AFDN: variants seen among roughly 807,000 people sequenced by gnomAD.
AFDN encodes the protein afadin.
Under a neutral mutation model 216.6 loss-of-function variants are expected in AFDN, and 68 were observed. The ratio of observed to expected loss-of-function variants is 0.31; its 90% CI spans 0.26 to 0.38. AFDN has a LOEUF of 0.38. AFDN is among the 10% of genes least tolerant of loss of function. AFDN has a pLI of 1.00. For missense variants in AFDN, 2,136 were observed against 2,342.0 expected, an observed-to-expected ratio of 0.91 and a Z score of 1.82; for synonymous variants, 868 against 853.7, an observed-to-expected ratio of 1.02 and a Z score of -0.29.
At chr6:167,966,419 T>A in intron 32 of AFDN, 1 of 614,882 alleles carries the variant, frequency 1.6e-6, no homozygotes, top group Non-Finnish European at 2.4e-6. Flanking sequence ...CTCGGCATGG[T>A]GATCCTCCTC....
chr6:167,875,782 C>T (rs536367286), intron 5 of AFDN, among the ~76,000 whole-genome samples: 7 of 152,094 alleles, frequency 4.6e-5, no homozygotes, highest in East Asian at 3.9e-4. Flanking sequence ...AATAAACTCC[C>T]GTGTACGTAT....
intron 31 of AFDN, chr6:167,964,923 T>A: frequency 9.4e-7 from 1 of 1,060,344 alleles, no homozygotes; most frequent in Non-Finnish European, 1.1e-6. Context: ...GTTACCTTTT[T>A]TAATGTTAAA....
chr6:167,833,035 G>A (rs1779999035), intron 1 of AFDN, among the ~76,000 whole-genome samples: 1 of 152,200 alleles, frequency 6.6e-6, no homozygotes, highest in Admixed American at 6.5e-5. Context: ...TGGACTTGCT[G>A]GCACTGTTTT....
intron 8 of AFDN, among the ~76,000 whole-genome samples, chr6:167,892,676 C>T (rs1344356549): frequency 6.6e-6 from 1 of 152,144 alleles, no homozygotes. Flanking sequence ...GTGTGTCATA[C>T]CGTGTTCTGG....
chr6:167,835,818 T>G (rs1042083006), intron 1 of AFDN, among the ~76,000 whole-genome samples: 5 of 152,148 alleles, frequency 3.3e-5, no homozygotes, highest in African/African-American at 1.2e-4. Context: ...TCAGAGAACC[T>G]TGGGGGTTCA....
intron 15 of AFDN, 36 bp from the exon 16 acceptor site, chr6:167,913,367 G>GTCTGTTT: frequency 6.5e-7 from 1 of 1,533,834 alleles, no homozygotes; most frequent in African/African-American, 1.4e-5. Context: ...TCTTTCTCTC[G>GTCTGTTT]TTCTGCTTGA....
At chr6:167,953,883 A>C (rs1379500783) in intron 30 of AFDN, among the ~76,000 whole-genome samples, 1 of 152,134 alleles carries the variant, frequency 6.6e-6, no homozygotes, top group African/African-American at 2.4e-5. Context: ...CCTTCGCTGC[A>C]TTTTCAACTC....
At chr6:167,929,452 G>A (rs1272332196) in intron 23 of AFDN, among the ~76,000 whole-genome samples, 10 of 152,168 alleles carry the variant, frequency 6.6e-5, no homozygotes, top group Non-Finnish European at 1.5e-4. Flanking sequence ...TGTGTCTGAT[G>A]TGCATGTCTA....
intron 30 of AFDN, among the ~76,000 whole-genome samples, chr6:167,956,854 G>T (rs1429812486): frequency 6.6e-6 from 1 of 152,146 alleles, no homozygotes; most frequent in African/African-American, 2.4e-5. Flanking sequence ...TCCTGCCGGG[G>T]TCACTGCGAG....
rs376764911 is a variant in AFDN at position 167,902,426 on chromosome 6, A to G, written c.1650+40A>G. The G allele has an allele frequency of 8.6e-5, 123 of 1,422,820 alleles. 1 individual carries two copies. The highest frequency in any genetic ancestry group is 1.1e-4 in the Non-Finnish European group (109 of 1,008,092). The allele number at this position is 1,422,820 out of a possible 1,614,324, so 88.1% of individuals were successfully genotyped here. On this transcript the variant is annotated intron_variant, in intron 12 of 33. Coordinates refer to ENST00000683244, the MANE Select transcript of AFDN (RefSeq NM_001386888.1). ...ATTACCTGATAGAAGTGTGCTTGCT[A>G]TAGGACACCATGGATGAATACAGTA...
intron 23 of AFDN, among the ~76,000 whole-genome samples, 198 bp from the exon 24 acceptor site, chr6:167,942,931 A>G (rs2285248): frequency 0.44 from 67,445 of 151,974 alleles, 15,738 homozygotes; most frequent in East Asian, 0.8. Context: ...CCAAGTCTCT[A>G]TTTTACTCTC....
intron 1 of AFDN, among the ~76,000 whole-genome samples, chr6:167,850,321 ACTGC>A (rs1304205819): frequency 2.0e-5 from 3 of 152,084 alleles, no homozygotes; most frequent in South Asian, 2.1e-4. Flanking sequence ...GCTTGAAAAA[ACTGC>A]CTGTGTTTTA....
At chr6:167,967,052 G>A (rs879618491) in intron 32 of AFDN, among the ~76,000 whole-genome samples, 4 of 152,212 alleles carry the variant, frequency 2.6e-5, no homozygotes, top group South Asian at 4.1e-4. Context: ...TGTCACAGGC[G>A]TGGGTTCAGT....
chr6:167,901,391 C>T (rs905656034), intron 11 of AFDN, among the ~76,000 whole-genome samples: 30 of 152,032 alleles, frequency 2.0e-4, no homozygotes, highest in African/African-American at 6.5e-4. Context: ...AGAATGTAGT[C>T]GGTCCCAGCT....
At chr6:167,870,624 C>T in intron 3 of AFDN, 126 bp downstream of exon 3, 1 of 496,738 alleles carries the variant, frequency 2.0e-6, no homozygotes, top group Non-Finnish European at 3.6e-6. Flanking sequence ...CCCTTTTACC[C>T]TCCTCCCAGA....
At position 167,971,846 on chromosome 6, in the gene AFDN, G is replaced by A; in HGVS notation, c.*1911G>A. 4.9e-6 allele frequency: 1 copy of A among 204,604 alleles called. No individual in the cohort carries two copies. Among genetic ancestry groups the A allele is most frequent in the Non-Finnish European group, 1.0e-5 (1 of 99,828 alleles). 12.7% of individuals were successfully genotyped at this position (204,604 alleles called of 1,614,324 possible). A position where few individuals can be genotyped will look rare whatever the true frequency, so the allele number is the denominator to read the frequency against. On this transcript the variant is annotated 3_prime_UTR_variant, in exon 34 of 34. Transcript: ENST00000683244. ...ACTATGAGAAAACATCAAAACTGCT[G>A]TAGTTTTCCATTTCTACTGTATTTC...
Position 167,944,409 on chromosome 6 carries a change from T to G in AFDN, c.3358+350T>G, listed in dbSNP as rs1795034366. Reference sequence around the variant, plus strand: ...ATGAACTGGGAAAAAAACTAAAGAATGAATGAATGGATTTTCAGTTTTGAT... The same window carrying G: ...ATGAACTGGGAAAAAAACTAAAGAAGGAATGAATGGATTTTCAGTTTTGAT... On this transcript the variant is annotated intron_variant, in intron 26 of 33. Transcript: ENST00000683244. Among the ~76,000 whole-genome samples, 3 of 152,140 alleles carry G rather than the reference T, an allele frequency of 2.0e-5. No homozygotes were observed. The South Asian group carries it at 6.2e-4, about 32-fold the overall frequency.
At chr6:167,861,850 T>C (rs1783609553) in intron 1 of AFDN, among the ~76,000 whole-genome samples, 1 of 152,372 alleles carries the variant, frequency 6.6e-6, no homozygotes, top group African/African-American at 2.4e-5. Flanking sequence ...ACATCTGGCC[T>C]GTTTTATTCT....
rs1330661802 is a variant in AFDN at position 167,902,365 on chromosome 6, G to A, written c.1629G>A (p.Gly543=). Residue 543 remains glycine (G), a synonymous_variant, in exon 12 of 34, where the codon GGG becomes GGA. Coordinates refer to ENST00000683244, the MANE Select transcript of AFDN (RefSeq NM_001386888.1). The stretch of plus-strand genomic sequence containing the variant: ...ATTTGGGAGGAGATATTCATAGTGG[G>A]ACAGCATTACCGACAAGCAAGGTAG... The part of the protein sequence containing the change: ...TFDLGGDIHS[G]TALPTSKSTT... The A allele has an allele frequency of 2.9e-5, 46 of 1,612,770 alleles. No individual in the cohort carries two copies. The highest frequency in any genetic ancestry group is 3.9e-5 in the Non-Finnish European group (46 of 1,179,076).
Sources: gnomAD v4.1 joint callset for allele counts (sites outside exome capture counted in the v4.1 genomes callset) on GRCh38, gnomAD v4.1.1 for gene constraint, MANE v1.5 for transcripts, NCBI Gene and HGNC (gene_info 2026-07-23, HGNC 2026-07-21) for gene names.